ZSCAN1: variants seen among roughly 807,000 people sequenced by gnomAD.
The protein encoded by ZSCAN1 is zinc finger and SCAN domain containing 1.
Under a neutral mutation model 23.8 loss-of-function variants are expected in ZSCAN1, and 23 were observed. That is an observed-to-expected ratio of 0.97 (90% confidence interval 0.70 to 1.37). The LOEUF is 1.37. ZSCAN1 is among the 40% of genes most tolerant of loss of function. The pLI is 0.00. For synonymous variants in ZSCAN1, 236 were observed against 232.3 expected (o/e 1.02, Z -0.15); for missense variants, 575 against 554.0 (o/e 1.04, Z -0.38).
In ZSCAN1 at chr19:58,054,234, G is replaced by A; in HGVS notation, c.*183G>A. On this transcript the variant is annotated 3_prime_UTR_variant, in exon 6 of 6. Coordinates refer to ENST00000282326, the MANE Select transcript of ZSCAN1 (RefSeq NM_182572.4). This position sits in a 1 kb window ranked among gnomAD's most constrained non-coding sequence, Gnocchi z 4.2. ...TGCTCCGAAGCCAAGCACGGGATGGGGCTTCCCAGGGTCTCAGCTGAGAAG... is the reference window on the plus strand; with the variant it reads ...TGCTCCGAAGCCAAGCACGGGATGGAGCTTCCCAGGGTCTCAGCTGAGAAG... 1.4e-6 allele frequency: 1 copy of A among 722,912 alleles called. No individual in the cohort carries two copies. Among genetic ancestry groups the A allele is most frequent in the Non-Finnish European group, 2.1e-6 (1 of 466,246 alleles). 44.8% of individuals were successfully genotyped at this position (722,912 alleles called of 1,614,324 possible).
rs181441056 is a variant in ZSCAN1 at position 58,039,419 on chromosome 19, A to G, written c.371-1031A>G. On this transcript the variant is annotated intron_variant, in intron 3 of 5. Coordinates refer to ENST00000282326, the MANE Select transcript of ZSCAN1 (RefSeq NM_182572.4). The stretch of plus-strand genomic sequence containing the variant: ...AGCGGTGGTCTGCTTTCTACATTCC[A>G]TATTTTGAGCCTATGAAACAGTAGA... Among the ~76,000 whole-genome samples, 99 of 152,278 alleles carry G rather than the reference A, an allele frequency of 6.5e-4. 1 individual carries two copies. Among genetic ancestry groups the G allele is most frequent in the Non-Finnish European group, 1.0e-3 (68 of 68,032 alleles).
chr19:58,034,553 G>T (rs927381884), intron 1 of ZSCAN1, among the ~76,000 whole-genome samples: 1 of 151,714 alleles, frequency 6.6e-6, no homozygotes, highest in African/African-American at 2.4e-5. Context: ...TTCCACACCT[G>T]ATCAGCATCC....
Position 58,052,594 on chromosome 19 carries a change from G to C in ZSCAN1, c.570G>C (p.Ala190=), listed in dbSNP as rs750197083. The C allele has an allele frequency of 1.9e-6, 3 of 1,612,396 alleles. No homozygotes were observed. Among genetic ancestry groups the C allele is most frequent in the Non-Finnish European group, 2.5e-6 (3 of 1,179,098 alleles). The part of the protein sequence containing the change: ...TQLQQSLHTR[A]EAEAPRAPGL... ...TCCAGCAGAGTCTGCACACCAGGGC[G>C]GAGGCCGAAGCGCCCCGCGCCCCTG... is the stretch of plus-strand genomic sequence containing the variant. The change falls in exon 5 of 6, where the codon GCG becomes GCC. Residue 190 remains alanine, a synonymous_variant. Transcript: ENST00000282326.
chr19:58,053,925 C>T lies in ZSCAN1; in HGVS notation c.1101C>T (p.Ala367=). The change falls in exon 6 of 6, where the codon GCC becomes GCT. Residue 367 remains alanine (A), a synonymous_variant. Transcript: ENST00000282326. This position sits in a 1 kb window ranked among gnomAD's most constrained non-coding sequence, Gnocchi z 5.8. ...PRESVPPRDG[A]QGPVAPRSPK... ...AGTCCGTCCCACCCAGGGATGGAGCCCAGGGCCCAGTGGCCCCTCGCAGCC... is the reference window on the plus strand; with the variant it reads ...AGTCCGTCCCACCCAGGGATGGAGCTCAGGGCCCAGTGGCCCCTCGCAGCC... 1.9e-6 allele frequency: 3 copies of T among 1,612,904 alleles called. No homozygotes were observed. Among genetic ancestry groups the T allele is most frequent in the Non-Finnish European group, 2.5e-6 (3 of 1,179,278 alleles).
chr19:58,038,252 A>T (rs2073756084), intron 3 of ZSCAN1, 46 bp downstream of exon 3: 1 of 1,558,850 alleles, frequency 6.4e-7, no homozygotes, highest in African/African-American at 1.4e-5. Flanking sequence ...AGGGGGCCTG[A>T]CGTCTCCGAG....
chr19:58,045,604 C>A lies in ZSCAN1; in HGVS notation c.465+5060C>A. 5.9e-6 allele frequency: 6 copies of A among 1,019,408 alleles called. 1 individual carries two copies. In the South Asian group the frequency reaches 7.6e-5, roughly 13 times the overall value. The allele number at this position is 1,019,408 out of a possible 1,614,324, so 63.1% of individuals were successfully genotyped here. The stretch of plus-strand genomic sequence containing the variant: ...CTGGAGCTACAGCTTCCTGCGCTTC[C>A]AGCTCACGATGCGGCTGCGCTCCAT... On this transcript the variant is annotated intron_variant, in intron 4 of 5. Coordinates refer to ENST00000282326, the MANE Select transcript of ZSCAN1 (RefSeq NM_182572.4). The surrounding 1 kb of genome is among the most constrained non-coding windows in gnomAD (Gnocchi z 4.3).
chr19:58,054,224 C>A lies in ZSCAN1; in HGVS notation c.*173C>A. ...CCTGGACACCTGCTCCGAAGCCAAG[C>A]ACGGGATGGGGCTTCCCAGGGTCTC... On this transcript the variant is annotated 3_prime_UTR_variant, in exon 6 of 6. Coordinates refer to ENST00000282326, the MANE Select transcript of ZSCAN1 (RefSeq NM_182572.4). The surrounding 1 kb of genome is among the most constrained non-coding windows in gnomAD (Gnocchi z 4.2). 1.2e-6 allele frequency: 1 copy of A among 867,608 alleles called. No homozygotes were observed. Among genetic ancestry groups the A allele is most frequent in the Non-Finnish European group, 1.7e-6 (1 of 596,614 alleles). 53.7% of individuals were successfully genotyped at this position (867,608 alleles called of 1,614,324 possible).
At position 58,038,218 on chromosome 19, in the gene ZSCAN1, A is replaced by C; in HGVS notation, c.370+12A>C. The C allele has an allele frequency of 6.3e-7, 1 of 1,598,972 alleles. No individual in the cohort carries two copies. The highest frequency in any genetic ancestry group is 8.5e-7 in the Non-Finnish European group (1 of 1,175,148). On this transcript the variant is annotated intron_variant, in intron 3 of 5. Coordinates refer to ENST00000282326, the MANE Select transcript of ZSCAN1 (RefSeq NM_182572.4). Reference sequence around the variant, plus strand: ...GTGCCAGCAGGAAGGTGAGAGGCGCAGGCTTCCTGCCCCGGGCCGGGCCAG... The same window carrying C: ...GTGCCAGCAGGAAGGTGAGAGGCGCCGGCTTCCTGCCCCGGGCCGGGCCAG...
rs1330948464 is a variant in ZSCAN1, at chr19:58,054,307, G to C, written c.*256G>C. ...GGTCAGTCCTGCGCACTATAGTTTT[G>C]CAAGTGGCTTGAAGAGGAGTTTCAT... On this transcript the variant is annotated 3_prime_UTR_variant, in exon 6 of 6. Coordinates refer to ENST00000282326, the MANE Select transcript of ZSCAN1 (RefSeq NM_182572.4). This position sits in a 1 kb window ranked among gnomAD's most constrained non-coding sequence, Gnocchi z 4.2. 2 of 418,144 alleles carry C rather than the reference G, an allele frequency of 4.8e-6. No individual in the cohort carries two copies. The highest frequency in any genetic ancestry group is 7.0e-5 in the East Asian group (2 of 28,756). The allele number at this position is 418,144 out of a possible 1,614,324, so 25.9% of individuals were successfully genotyped here. A position where few individuals can be genotyped will look rare whatever the true frequency, so the allele number is the denominator to read the frequency against.
At chr19:58,052,417 G>T in intron 4 of ZSCAN1, 73 bp from the exon 5 acceptor site, 5 of 1,607,746 alleles carry the variant, frequency 3.1e-6, no homozygotes, top group South Asian at 1.1e-5. Flanking sequence ...CCCGTTCCTT[G>T]GTTGTTCGGT....
Position 58,052,587 on chromosome 19 carries a change from C to A in ZSCAN1, c.563C>A (p.Thr188Asn). 6.2e-7 allele frequency: 1 copy of A among 1,613,402 alleles called. No individual in the cohort carries two copies. Among genetic ancestry groups the A allele is most frequent in the Non-Finnish European group, 8.5e-7 (1 of 1,179,702 alleles). Residue 188 changes from threonine to asparagine, a missense_variant, in exon 5 of 6, where the codon ACC becomes AAC. Transcript: ENST00000282326. The part of the protein sequence containing the change: ...ETTQLQQSLH[T>N]RAEAEAPRAP... ...ACCCAGCTCCAGCAGAGTCTGCACA[C>A]CAGGGCGGAGGCCGAAGCGCCCCGC...
intron 4 of ZSCAN1, among the ~76,000 whole-genome samples, chr19:58,048,560 A>G (rs142578409): frequency 0.023 from 3,534 of 152,094 alleles, 128 homozygotes; most frequent in African/African-American, 0.079. Context: ...GCTCACTGCA[A>G]CCTCCACCTC....
chr19:58,043,602 A>G (rs986832011), intron 4 of ZSCAN1, among the ~76,000 whole-genome samples: 2 of 152,036 alleles, frequency 1.3e-5, no homozygotes, highest in South Asian at 2.1e-4. Context: ...ATTGGCAACT[A>G]TATTTCCTTC....
chr19:58,055,127 AAC>A (rs758246199), downstream of ZSCAN1, among the ~76,000 whole-genome samples: 1 of 152,202 alleles, frequency 6.6e-6, no homozygotes, highest in African/African-American at 2.4e-5. Flanking sequence ...TTCACTTGGA[AAC>A]ACAGTGTTGG....
chr19:58,034,549 A>G (rs1462562609), intron 1 of ZSCAN1, among the ~76,000 whole-genome samples: 3 of 150,952 alleles, frequency 2.0e-5, no homozygotes, highest in Non-Finnish European at 4.4e-5. Flanking sequence ...TCCCTTCCAC[A>G]CCTGATCAGC....
rs2073821603 is a variant in ZSCAN1, at chr19:58,045,812, T to A, written c.465+5268T>A. On this transcript the variant is annotated intron_variant, in intron 4 of 5. Coordinates refer to ENST00000282326, the MANE Select transcript of ZSCAN1 (RefSeq NM_182572.4). The surrounding 1 kb of genome is among the most constrained non-coding windows in gnomAD (Gnocchi z 4.3). The stretch of plus-strand genomic sequence containing the variant: ...CAGGAGATCCCCACATCGCTGCTCA[T>A]CCTGTCCCGGACCATGTAGCTCCCG... 6.5e-7 allele frequency: 1 copy of A among 1,538,642 alleles called. No homozygotes were observed. The highest frequency in any genetic ancestry group is 9.0e-7 in the Non-Finnish European group (1 of 1,112,158).
intron 4 of ZSCAN1, chr19:58,048,973 C>T (rs575871448): frequency 2.2e-3 from 336 of 152,450 alleles, no homozygotes; most frequent in Admixed American, 4.4e-3. Flanking sequence ...CTCCTGTTCT[C>T]AAGCAATTCT....
rs1412145881 is a variant in ZSCAN1, at chr19:58,052,598, G to T, written c.574G>T (p.Ala192Ser). 1.9e-5 allele frequency: 31 copies of T among 1,611,724 alleles called. No individual in the cohort carries two copies. Among genetic ancestry groups the T allele is most frequent in the Non-Finnish European group, 2.5e-5 (30 of 1,178,766 alleles). The change falls in exon 5 of 6, where the codon GCC (alanine) becomes TCC (serine). Residue 192 changes from alanine to serine, a missense_variant. Transcript: ENST00000282326. ...GCAGAGTCTGCACACCAGGGCGGAG[G>T]CCGAAGCGCCCCGCGCCCCTGGCTT... is the stretch of plus-strand genomic sequence containing the variant. ...LQQSLHTRAEAEAPRAPGLLG... is the reference protein window; with the variant it reads ...LQQSLHTRAESEAPRAPGLLG...
At position 58,054,152 on chromosome 19, in the gene ZSCAN1, C is replaced by A; in HGVS notation, c.*101C>A. 2 of 1,391,650 alleles carry A rather than the reference C, an allele frequency of 1.4e-6. No individual in the cohort carries two copies. Among genetic ancestry groups the A allele is most frequent in the Non-Finnish European group, 1.9e-6 (2 of 1,061,704 alleles). 86.2% of individuals were successfully genotyped at this position (1,391,650 alleles called of 1,614,324 possible). A position where few individuals can be genotyped will look rare whatever the true frequency, so the allele number is the denominator to read the frequency against. ...ATCCCCCAGCCCCACCAACCCCTGG[C>A]CACCTTGGGACTCCTCTTGAAGGAC... is the stretch of plus-strand genomic sequence containing the variant. On this transcript the variant is annotated 3_prime_UTR_variant, in exon 6 of 6. Transcript: ENST00000282326. This position sits in a 1 kb window ranked among gnomAD's most constrained non-coding sequence, Gnocchi z 4.2.
Sources: allele counts gnomAD v4.1 joint callset (sites outside exome capture counted in the v4.1 genomes callset), GRCh38; gene constraint gnomAD v4.1.1; non-coding constraint Gnocchi (gnomAD v3.1); transcripts MANE v1.5; gene names NCBI Gene and HGNC (gene_info 2026-07-23, HGNC 2026-07-21).